PC: variants seen among roughly 807,000 people sequenced by gnomAD.
PC encodes the protein pyruvate carboxylase, mitochondrial.
A neutral mutation model predicts 107.8 loss-of-function variants in PC; 46 were observed. The observed-to-expected ratio is 0.43, with a 90% CI of 0.34 to 0.55. PC has a LOEUF of 0.55. Ranked by LOEUF, PC falls within the 20% of genes least tolerant of loss-of-function variation. The probability of loss-of-function intolerance (pLI) is 0.04; values close to 1 mark genes in which losing one functional copy is unlikely to be tolerated. For synonymous variants in PC, 662 were observed against 684.7 expected (o/e 0.97, Z 0.52); for missense variants, 1,241 against 1,643.1 (o/e 0.76, Z 4.23).
intron 3 of PC, among the ~76,000 whole-genome samples, chr11:66,924,196 T>A: frequency 7.5e-6 from 1 of 133,122 alleles, no homozygotes; most frequent in African/African-American, 2.8e-5. Context: ...AGCAAGACTC[T>A]ATCTCAGAAA....
intron 1 of PC, among the ~76,000 whole-genome samples, chr11:66,956,938 G>C (rs1949573499): frequency 6.6e-6 from 1 of 152,358 alleles, no homozygotes; most frequent in East Asian, 1.9e-4. Context: ...AGCAGTTGCA[G>C]GACAAGGATT....
chr11:66,862,087 A>G (rs1946288358), intron 12 of PC, among the ~76,000 whole-genome samples: 1 of 152,122 alleles, frequency 6.6e-6, no homozygotes, highest in African/African-American at 2.4e-5. Flanking sequence ...ACCCCTGTGC[A>G]TGGCCACGCA....
chr11:66,939,814 A>AC (rs1422041824), intron 3 of PC, among the ~76,000 whole-genome samples: 1 of 150,280 alleles, frequency 6.7e-6, no homozygotes, highest in East Asian at 1.9e-4. Context: ...CAAAAAAAAA[A>AC]AAAAAAAAAA....
intron 16 of PC, 114 bp downstream of exon 16, chr11:66,851,676 G>A: frequency 8.9e-7 from 1 of 1,123,416 alleles, no homozygotes; most frequent in Non-Finnish European, 1.3e-6. Context: ...GCTGCGTGTG[G>A]CCACAGAGAG....
intron 3 of PC, among the ~76,000 whole-genome samples, chr11:66,873,385 AAAT>A (rs1318873442): frequency 9.5e-6 from 1 of 105,448 alleles, no homozygotes; most frequent in Non-Finnish European, 1.8e-5. Flanking sequence ...ATAAAATATA[AAAT>A]ATTATATATA....
At chr11:66,914,547 G>A (rs944220527) in intron 3 of PC, among the ~76,000 whole-genome samples, 2 of 152,084 alleles carry the variant, frequency 1.3e-5, no homozygotes, top group South Asian at 4.1e-4. Context: ...ACTTTGCCAG[G>A]ATCCCTTTGA....
At chr11:66,862,173 C>T (rs1055905327) in intron 12 of PC, among the ~76,000 whole-genome samples, 6 of 152,166 alleles carry the variant, frequency 3.9e-5, no homozygotes, top group South Asian at 2.1e-4. Context: ...AGGGGGAGCG[C>T]GTGATGTCGA....
Position 66,872,130 on chromosome 11 carries a change from GC to G in PC, c.29del (p.Gly10AlafsTer2). MLKFRTVHG[G>X]LRLLGIRRTS... is the part of the protein sequence containing the mutation. The stretch of plus-strand genomic sequence containing the variant: ...TTCGGCGGATTCCCAGGAGCCTCAG[GC>G]CCCCATGGACTGTTCGGAACTTCAG... On this transcript the variant is annotated frameshift_variant, in exon 4 of 23. Transcript: ENST00000393960. LOFTEE classifies it high-confidence loss of function. 6.3e-7 allele frequency: 1 copy of G among 1,581,436 alleles called. No individual in the cohort carries two copies. Among genetic ancestry groups the G allele is most frequent in the Non-Finnish European group, 8.6e-7 (1 of 1,164,616 alleles).
In PC at chr11:66,852,842, G is replaced by A. The variant is rs745563711; in HGVS notation, c.1514-6C>T. ...ACCGTTTACCATGACATGGCCTGGG[G>A]AGAAAGCGGGCAGTGGGTCAGGGTG... On this transcript the variant is annotated splice_polypyrimidine_tract_variant and splice_region_variant and intron_variant, in intron 13 of 22. Coordinates refer to ENST00000393960, the MANE Select transcript of PC (RefSeq NM_001040716.2). The surrounding 1 kb of genome is among the most constrained non-coding windows in gnomAD (Gnocchi z 4.7). 4.1e-5 allele frequency: 64 copies of A among 1,557,990 alleles called. No individual in the cohort carries two copies. Among genetic ancestry groups the A allele is most frequent in the East Asian group, 4.5e-5 (2 of 44,324 alleles).
intron 12 of PC, chr11:66,859,898 G>A (rs768746184): frequency 6.4e-5 from 101 of 1,575,326 alleles, no homozygotes; most frequent in Non-Finnish European, 8.2e-5. Flanking sequence ...CTGTGGCCTT[G>A]CTGGTTCGGG....
intron 3 of PC, among the ~76,000 whole-genome samples, chr11:66,915,135 C>T (rs372230521): frequency 3.3e-5 from 5 of 152,154 alleles, no homozygotes; most frequent in African/African-American, 1.2e-4. Flanking sequence ...CAACCAGACT[C>T]CAGCCAGGGA....
rs758492217 is a variant in PC at position 66,870,503 on chromosome 11, TC to T, written c.752-51del. The T allele has an allele frequency of 1.2e-4, 190 of 1,593,316 alleles. No homozygotes were observed. Among genetic ancestry groups the T allele is most frequent in the Non-Finnish European group, 1.5e-4 (174 of 1,168,700 alleles). On this transcript the variant is annotated intron_variant, in intron 8 of 22. Coordinates refer to ENST00000393960, the MANE Select transcript of PC (RefSeq NM_001040716.2). The surrounding 1 kb of genome is among the most constrained non-coding windows in gnomAD (Gnocchi z 6.1). Reference sequence around the variant, plus strand: ...TAGCTTTTACTGGAATCTACACGCCTCCTAAATGCCCCATCACCCCCACATA... The same window carrying T: ...TAGCTTTTACTGGAATCTACACGCCTCTAAATGCCCCATCACCCCCACATA...
At chr11:66,904,310 T>C (rs1948085078) in intron 3 of PC, among the ~76,000 whole-genome samples, 4 of 151,866 alleles carry the variant, frequency 2.6e-5, no homozygotes, top group Non-Finnish European at 1.5e-5. Flanking sequence ...GGAAGGATAA[T>C]GGGAAAAGCA....
intron 3 of PC, among the ~76,000 whole-genome samples, chr11:66,884,833 G>A (rs1035137638): frequency 1.3e-5 from 2 of 152,196 alleles, no homozygotes; most frequent in African/African-American, 2.4e-5. Flanking sequence ...TGCGAGGGGC[G>A]ACAGAGGCTA....
intron 3 of PC, among the ~76,000 whole-genome samples, chr11:66,951,867 C>T (rs1200060032): frequency 1.4e-5 from 2 of 146,346 alleles, no homozygotes; most frequent in South Asian, 4.3e-4. Flanking sequence ...TCCAGCCTGG[C>T]AACAGAGCAA....
intron 3 of PC, among the ~76,000 whole-genome samples, chr11:66,927,771 G>A (rs1238728611): frequency 6.6e-6 from 1 of 151,704 alleles, no homozygotes; most frequent in Non-Finnish European, 1.5e-5. Context: ...TTTGGGTTCT[G>A]CTTTCCCCAC....
intron 3 of PC, among the ~76,000 whole-genome samples, chr11:66,941,011 G>C (rs1218658535): frequency 1.3e-5 from 2 of 150,746 alleles, no homozygotes; most frequent in Non-Finnish European, 2.9e-5. Flanking sequence ...AGGAGGCAGA[G>C]GTTGCAGTGA....
chr11:66,865,522 G>A (rs1157746883), intron 11 of PC, among the ~76,000 whole-genome samples: 1 of 152,204 alleles, frequency 6.6e-6, no homozygotes, highest in African/African-American at 2.4e-5. Flanking sequence ...GGAGGCCAAT[G>A]ACTGGGTCCC....
At chr11:66,855,329 CTTT>C (rs896698775) in intron 12 of PC, among the ~76,000 whole-genome samples, 1 of 151,732 alleles carries the variant, frequency 6.6e-6, no homozygotes, top group Non-Finnish European at 1.5e-5. Context: ...TGAATGAAAA[CTTT>C]TTTTTTGAGA....
Sources: gnomAD v4.1 joint callset for allele counts (sites outside exome capture counted in the v4.1 genomes callset) on GRCh38, gnomAD v4.1.1 for gene constraint, Gnocchi (gnomAD v3.1) non-coding constraint, MANE v1.5 for transcripts, NCBI Gene and HGNC (gene_info 2026-07-23, HGNC 2026-07-21) for gene names.